The following GRID2 variants were observed in gnomAD, a reference collection of about 807,000 sequenced individuals.
GRID2 encodes glutamate ionotropic receptor delta type subunit 2, also known as glutamate receptor ionotropic, delta-2.
In GRID2, 33 loss-of-function variants were observed where a neutral mutation model predicts 114.8. That is an observed-to-expected ratio of 0.29 (90% CI 0.22 to 0.38). The LOEUF (loss-of-function observed/expected upper bound fraction) is 0.38, where lower values mean the gene tolerates loss of function less well. Among genes scored for constraint, GRID2 ranks in the 10% least tolerant of loss-of-function variants. GRID2 has a pLI of 1.00. For synonymous variants in GRID2, 505 were observed against 449.9 expected (o/e 1.12, Z -1.55); for missense variants, 1,184 against 1,257.7 (o/e 0.94, Z 0.89).
chr4:92,891,803 C>T (rs972721204), intron 2 of GRID2, among the ~76,000 whole-genome samples: 1 of 152,100 alleles, frequency 6.6e-6, no homozygotes, highest in Non-Finnish European at 1.5e-5. Flanking sequence ...TATTGAGTCA[C>T]ACTTGCACAT....
chr4:92,393,310 A>G (rs1237063733), intron 1 of GRID2, among the ~76,000 whole-genome samples: 1 of 152,208 alleles, frequency 6.6e-6, no homozygotes, highest in Non-Finnish European at 1.5e-5. Context: ...AGTTATATCA[A>G]TTATTATCTT....
chr4:92,807,248 T>C lies in GRID2; in HGVS notation c.244+216962T>C, dbSNP rs182151165. Among the ~76,000 whole-genome samples, 586 of 152,180 alleles carry C rather than the reference T, an allele frequency of 3.9e-3. 2 individuals carry two copies. Among genetic ancestry groups the C allele is most frequent in the Non-Finnish European group, 6.7e-3 (456 of 67,964 alleles). ...TTGGCCTACTGCACCATTTTTTAAA[T>C]ATAACCTTTTTCTGGAATATCTATA... On this transcript the variant is annotated intron_variant, in intron 2 of 15. Coordinates refer to ENST00000282020, the MANE Select transcript of GRID2 (RefSeq NM_001510.4).
At chr4:92,392,317 G>T (rs2110262512) in intron 1 of GRID2, among the ~76,000 whole-genome samples, 1 of 152,144 alleles carries the variant, frequency 6.6e-6, no homozygotes, top group Non-Finnish European at 1.5e-5. Context: ...GGGAGGCCAA[G>T]GTCACAAGGT....
intron 8 of GRID2, among the ~76,000 whole-genome samples, chr4:93,299,665 C>T (rs551344621): frequency 5.3e-5 from 8 of 151,826 alleles, no homozygotes; most frequent in African/African-American, 1.7e-4. Flanking sequence ...CAAACCTGTA[C>T]GTTGTCCACA....
chr4:92,938,943 T>C lies in GRID2; in HGVS notation c.245-146052T>C, dbSNP rs1396660137. On this transcript the variant is annotated intron_variant, in intron 2 of 15. Coordinates refer to ENST00000282020, the MANE Select transcript of GRID2 (RefSeq NM_001510.4). ...TATTCCATGGTGTATATGTGCCACATTGTCTTAATCCAGTCTATCATTGTT... is the reference window on the plus strand; with the variant it reads ...TATTCCATGGTGTATATGTGCCACACTGTCTTAATCCAGTCTATCATTGTT... Among the ~76,000 whole-genome samples, 2 of 147,336 alleles carry C rather than the reference T, an allele frequency of 1.4e-5. 1 individual carries two copies. Among genetic ancestry groups the C allele is most frequent in the Admixed American group, 1.5e-4 (2 of 13,676 alleles).
chr4:93,768,389 G>A (rs760177828), intron 14 of GRID2, among the ~76,000 whole-genome samples: 3 of 152,190 alleles, frequency 2.0e-5, no homozygotes, highest in Non-Finnish European at 2.9e-5. Flanking sequence ...AAGAAGCACT[G>A]GGAATTGAGA....
chr4:93,079,020 T>C (rs568353880), intron 2 of GRID2, among the ~76,000 whole-genome samples: 2 of 150,792 alleles, frequency 1.3e-5, no homozygotes, highest in Non-Finnish European at 3.0e-5. Context: ...TACTACTTAA[T>C]AGCAATGTAA....
intron 10 of GRID2, among the ~76,000 whole-genome samples, chr4:93,454,541 A>C (rs2149410117): frequency 6.6e-6 from 1 of 152,190 alleles, no homozygotes; most frequent in Non-Finnish European, 1.5e-5. Context: ...CTAGCAACAA[A>C]GATATATGAA....
At chr4:93,632,308 T>C (rs1346829363) in intron 14 of GRID2, among the ~76,000 whole-genome samples, 2 of 152,224 alleles carry the variant, frequency 1.3e-5, no homozygotes, top group African/African-American at 2.4e-5. Context: ...ACGTCCTGAA[T>C]GGTATTGCCT....
intron 2 of GRID2, among the ~76,000 whole-genome samples, chr4:93,001,402 G>C (rs1405577877): frequency 6.6e-6 from 1 of 151,494 alleles, no homozygotes; most frequent in Non-Finnish European, 1.5e-5. Context: ...GTTAGGCTAC[G>C]GAATTTTGGT....
At chr4:93,393,965 A>G (rs1412239915) in intron 8 of GRID2, among the ~76,000 whole-genome samples, 7 of 152,116 alleles carry the variant, frequency 4.6e-5, no homozygotes, top group Non-Finnish European at 1.0e-4. Context: ...ATTAAGTTAT[A>G]TGGTTGTAAT....
In GRID2 at chr4:93,513,178, A is replaced by T. The variant is rs563583693; in HGVS notation, c.1998-2038A>T. 2.4e-4 allele frequency among the ~76,000 whole-genome samples: 37 copies of T among 152,288 alleles called. 1 individual carries two copies. In the South Asian group the frequency reaches 7.3e-3, roughly 30 times the overall value. On this transcript the variant is annotated intron_variant, in intron 12 of 15. Coordinates refer to ENST00000282020, the MANE Select transcript of GRID2 (RefSeq NM_001510.4). ...ACTATAGACCTGCAGGTTCTAGATG[A>T]TGCTGTGTACAACCATCTGGTCTTC...
intron 8 of GRID2, among the ~76,000 whole-genome samples, chr4:93,249,734 CAT>C (rs1205234630): frequency 2.6e-5 from 4 of 151,768 alleles, no homozygotes; most frequent in African/African-American, 7.3e-5. Flanking sequence ...AGCCAACAAA[CAT>C]ATGAAAAAAA....
chr4:92,613,104 C>T (rs1729835002), intron 2 of GRID2, among the ~76,000 whole-genome samples: 1 of 151,278 alleles, frequency 6.6e-6, no homozygotes, highest in African/African-American at 2.4e-5. Flanking sequence ...TCCTAATACT[C>T]ATAGTTTGTT....
intron 2 of GRID2, among the ~76,000 whole-genome samples, chr4:93,071,774 A>G (rs957370924): frequency 6.6e-6 from 1 of 152,208 alleles, no homozygotes; most frequent in Non-Finnish European, 1.5e-5. Flanking sequence ...ATGGGCCATG[A>G]TAAGAGAGTT....
chr4:92,972,841 A>G (rs1753615034), intron 2 of GRID2, among the ~76,000 whole-genome samples: 1 of 152,048 alleles, frequency 6.6e-6, no homozygotes, highest in Non-Finnish European at 1.5e-5. Flanking sequence ...CCCACTTATA[A>G]GTGATAACAT....
At chr4:92,987,610 TAAG>T (rs1434565883) in intron 2 of GRID2, among the ~76,000 whole-genome samples, 3 of 151,616 alleles carry the variant, frequency 2.0e-5, no homozygotes, top group South Asian at 2.1e-4. Flanking sequence ...AAAATAAAAA[TAAG>T]AAATAAATAA....
intron 4 of GRID2, among the ~76,000 whole-genome samples, chr4:93,197,747 T>C (rs182035076): frequency 6.6e-5 from 10 of 152,304 alleles, no homozygotes; most frequent in Non-Finnish European, 1.0e-4. Flanking sequence ...ACTCAGAGTA[T>C]GTAACATACC....
In GRID2 at chr4:93,587,200, A is replaced by G. The variant is rs115776445; in HGVS notation, c.2194-39069A>G. On this transcript the variant is annotated intron_variant, in intron 13 of 15. Transcript: ENST00000282020. Reference sequence around the variant, plus strand: ...TCGAGACACTGAGCACAGCCTATATAACTATATTTAAAATTGTATAAAATT... The same window carrying G: ...TCGAGACACTGAGCACAGCCTATATGACTATATTTAAAATTGTATAAAATT... 8.5e-3 allele frequency among the ~76,000 whole-genome samples: 1,290 copies of G among 152,224 alleles called. 15 individuals carry two copies. Among genetic ancestry groups the G allele is most frequent in the African/African-American group, 0.029 (1,202 of 41,520 alleles).
Sources: gnomAD v4.1 joint callset for allele counts (sites outside exome capture counted in the v4.1 genomes callset) on GRCh38, gnomAD v4.1.1 for gene constraint, MANE v1.5 for transcripts, NCBI Gene and HGNC (gene_info 2026-07-23, HGNC 2026-07-21) for gene names.